ERBB4: variants seen among roughly 807,000 people sequenced by gnomAD.
The protein encoded by ERBB4 is erb-b2 receptor tyrosine kinase 4.
In ERBB4, 42 loss-of-function variants were observed where a neutral mutation model predicts 158.0. The ratio of observed to expected loss-of-function variants is 0.27; its 90% CI spans 0.21 to 0.34. The LOEUF (loss-of-function observed/expected upper bound fraction) is 0.34. Among genes scored for constraint, ERBB4 ranks in the 10% least tolerant of loss-of-function variants. The probability of loss-of-function intolerance (pLI) is 1.00; values close to 1 mark genes in which losing one functional copy is unlikely to be tolerated. For synonymous variants in ERBB4, 583 were observed against 558.7 expected (o/e 1.04, Z -0.61); for missense variants, 1,333 against 1,624.1 (o/e 0.82, Z 3.08).
chr2:211,407,793 T>C (rs904868008), intron 25 of ERBB4, among the ~76,000 whole-genome samples: 2 of 152,166 alleles, frequency 1.3e-5, no homozygotes, highest in Non-Finnish European at 2.9e-5. Context: ...AACTTTTCAT[T>C]TGGGCAGGTG....
intron 3 of ERBB4, among the ~76,000 whole-genome samples, chr2:211,935,777 G>C (rs988161281): frequency 3.3e-5 from 5 of 152,016 alleles, no homozygotes; most frequent in African/African-American, 1.2e-4. Context: ...ATATCCTATT[G>C]GTTCTGTCTT....
At chr2:211,439,881 G>A (rs1312625453) in intron 20 of ERBB4, among the ~76,000 whole-genome samples, 1 of 152,160 alleles carries the variant, frequency 6.6e-6, no homozygotes, top group African/African-American at 2.4e-5. Flanking sequence ...TAGAGAAGGG[G>A]AAGACCATTT....
chr2:211,805,415 G>T (rs927893999), intron 3 of ERBB4, among the ~76,000 whole-genome samples: 6 of 152,004 alleles, frequency 3.9e-5, no homozygotes, highest in African/African-American at 1.2e-4. Flanking sequence ...AATATAAAAG[G>T]GTGTTAAAAG....
intron 1 of ERBB4, among the ~76,000 whole-genome samples, chr2:212,484,209 A>G (rs1301608725): frequency 6.6e-6 from 1 of 152,210 alleles, no homozygotes; most frequent in African/African-American, 2.4e-5. Context: ...TCTATAAAAT[A>G]CTTGTTTCAT....
intron 1 of ERBB4, among the ~76,000 whole-genome samples, chr2:212,202,856 A>G (rs1447956472): frequency 6.6e-6 from 1 of 152,046 alleles, no homozygotes; most frequent in East Asian, 1.9e-4. Context: ...GAAAATCAAT[A>G]AAAACTATTA....
intron 25 of ERBB4, among the ~76,000 whole-genome samples, chr2:211,389,230 T>G (rs2125325440): frequency 6.6e-6 from 1 of 152,236 alleles, no homozygotes; most frequent in Non-Finnish European, 1.5e-5. Context: ...AGAGACGGGG[T>G]TTCACCATGT....
At chr2:212,372,966 G>C (rs1018801099) in intron 1 of ERBB4, among the ~76,000 whole-genome samples, 1 of 152,008 alleles carries the variant, frequency 6.6e-6, no homozygotes, top group African/African-American at 2.4e-5. Context: ...CTGTACTGAA[G>C]AGCAAAAACA....
At chr2:212,498,944 T>C (rs940811732) in intron 1 of ERBB4, among the ~76,000 whole-genome samples, 1 of 152,022 alleles carries the variant, frequency 6.6e-6, no homozygotes, top group African/African-American at 2.4e-5. Context: ...TCTGGACAAG[T>C]GGATCTGAGT....
chr2:212,215,245 T>C (rs62182603), intron 1 of ERBB4, among the ~76,000 whole-genome samples: 25,300 of 151,484 alleles, frequency 0.17, 2,569 homozygotes, highest in Non-Finnish European at 0.22. Context: ...TTGAAATAAA[T>C]GGTCAAATTT....
At chr2:212,063,002 C>T (rs1575586416) in intron 2 of ERBB4, among the ~76,000 whole-genome samples, 1 of 152,142 alleles carries the variant, frequency 6.6e-6, no homozygotes, top group Non-Finnish European at 1.5e-5. Context: ...ATAAACTATA[C>T]AAATTATTTA....
chr2:211,994,869 A>G (rs551901669), intron 2 of ERBB4, among the ~76,000 whole-genome samples: 46 of 152,216 alleles, frequency 3.0e-4, no homozygotes, highest in African/African-American at 1.1e-3. Context: ...GCAAAAACAC[A>G]CTCCCTAATG....
intron 3 of ERBB4, among the ~76,000 whole-genome samples, chr2:211,826,980 C>A (rs10497950): frequency 0.23 from 35,172 of 151,736 alleles, 4,217 homozygotes; most frequent in South Asian, 0.33. Flanking sequence ...TGCAGGTACA[C>A]GGTTTTCAGT....
At chr2:211,890,005 C>A (rs1231134002) in intron 3 of ERBB4, among the ~76,000 whole-genome samples, 2 of 98,116 alleles carry the variant, frequency 2.0e-5, no homozygotes, top group Non-Finnish European at 4.0e-5. Context: ...AGGAGAACTT[C>A]CCCAATCTAG....
chr2:211,559,076 T>G (rs1246731481), intron 20 of ERBB4, among the ~76,000 whole-genome samples: 1 of 152,148 alleles, frequency 6.6e-6, no homozygotes, highest in Non-Finnish European at 1.5e-5. Context: ...ACTCTTGATT[T>G]TTTCCTACAA....
chr2:211,424,394 G>T (rs2125412474), intron 22 of ERBB4, 93 bp from the exon 23 acceptor site: 1 of 848,474 alleles, frequency 1.2e-6, no homozygotes, highest in East Asian at 2.6e-5. Context: ...ACTCCTTACA[G>T]GTCAATCCAA....
chr2:211,664,701 G>GA (rs11412281), intron 15 of ERBB4, among the ~76,000 whole-genome samples: 95,556 of 151,718 alleles, frequency 0.63, 30,744 homozygotes, highest in Middle Eastern at 0.7. Context: ...TTGAAAAAGA[G>GA]AAAAAAAATT....
At chr2:211,464,908 A>G (rs1327497996) in intron 20 of ERBB4, among the ~76,000 whole-genome samples, 1 of 151,766 alleles carries the variant, frequency 6.6e-6, no homozygotes, top group African/African-American at 2.4e-5. Context: ...GCACAATACA[A>G]GCAGAGGCTT....
chr2:212,377,655 G>C (rs963521292), intron 1 of ERBB4, among the ~76,000 whole-genome samples: 1 of 151,856 alleles, frequency 6.6e-6, no homozygotes, highest in Non-Finnish European at 1.5e-5. Flanking sequence ...CAATGGATGG[G>C]TGGTGAGTAA....
intron 2 of ERBB4, among the ~76,000 whole-genome samples, chr2:212,088,520 G>A (rs760095440): frequency 2.0e-5 from 3 of 152,110 alleles, no homozygotes; most frequent in Non-Finnish European, 4.4e-5. Flanking sequence ...AATCCTGCAC[G>A]TGTCACAGAA....
Sources: allele counts gnomAD v4.1 joint callset (sites outside exome capture counted in the v4.1 genomes callset), GRCh38; gene constraint gnomAD v4.1.1; transcripts MANE v1.5; gene names NCBI Gene and HGNC (gene_info 2026-07-23, HGNC 2026-07-21).